RYR1: variants seen among roughly 807,000 people sequenced by gnomAD.
The protein encoded by RYR1 is central core disease of muscle.
A neutral mutation model predicts 583.5 loss-of-function variants in RYR1; 342 were observed. The observed-to-expected ratio is 0.59, with a 90% CI of 0.54 to 0.64. RYR1 has a LOEUF of 0.64. Ranked by LOEUF, RYR1 falls within the 30% of genes least tolerant of loss-of-function variation. RYR1 has a pLI of 0.00. For synonymous variants in RYR1, 2,791 were observed against 2,822.5 expected, an observed-to-expected ratio of 0.99 and a Z score of 0.35; for missense variants, 6,032 against 6,917.2, an observed-to-expected ratio of 0.87 and a Z score of 4.54.
rs1228275789 is a variant in RYR1 at position 38,514,911 on chromosome 19, CT to C, written c.9473-114del. ...ACAAGACTCGTACATGGAAGGCTGG[CT>C]GTACATCTGCTTGCTCTTCCCCACT... On this transcript the variant is annotated intron_variant, in intron 63 of 105. Coordinates refer to ENST00000359596, the MANE Select transcript of RYR1 (RefSeq NM_000540.3). 5.5e-6 allele frequency: 4 copies of C among 727,544 alleles called. No homozygotes were observed. The African/African-American group carries it at 6.9e-5, about 13-fold the overall frequency. 45.1% of individuals were successfully genotyped at this position (727,544 alleles called of 1,614,324 possible).
At chr19:38,571,425 G>A (rs1018011419) in intron 94 of RYR1, among the ~76,000 whole-genome samples, 9 of 152,124 alleles carry the variant, frequency 5.9e-5, no homozygotes, top group African/African-American at 9.7e-5. Context: ...CCTGAAGTCC[G>A]GAATTCAAGA....
chr19:38,451,986 C>A, intron 12 of RYR1, 101 bp downstream of exon 12: 1 of 1,531,350 alleles, frequency 6.5e-7, no homozygotes, highest in Non-Finnish European at 9.0e-7. Context: ...GTTGCCCACA[C>A]CCTTGTCTAA....
chr19:38,551,948 G>A (rs1196206030), intron 89 of RYR1, among the ~76,000 whole-genome samples: 1 of 151,952 alleles, frequency 6.6e-6, no homozygotes, highest in Non-Finnish European at 1.5e-5. Context: ...AAACATTTTT[G>A]TTTTGTTTTG....
At chr19:38,526,909 G>A (rs1971490518) in intron 71 of RYR1, 84 bp from the exon 72 acceptor site, 1 of 1,459,406 alleles carries the variant, frequency 6.9e-7, no homozygotes, top group East Asian at 2.3e-5. Flanking sequence ...AGTTCCTGGG[G>A]TGCTGGGCCT....
chr19:38,502,792 C>CAGGGGT, intron 48 of RYR1, 65 bp downstream of exon 48: 3 of 679,034 alleles, frequency 4.4e-6, no homozygotes, highest in Non-Finnish European at 6.0e-6. Context: ...GGGGCAGGGG[C>CAGGGGT]AGGGGCAGGG....
intron 84 of RYR1, 104 bp downstream of exon 84, chr19:38,538,064 T>C (rs982823245): frequency 2.3e-5 from 24 of 1,036,874 alleles, no homozygotes; most frequent in Non-Finnish European, 3.3e-5. Flanking sequence ...CGGTCAATGA[T>C]GGCCACTCTC....
rs145787667 is a variant in RYR1, at chr19:38,499,922, C to T, written c.7229C>T (p.Pro2410Leu). Residue 2410 changes from proline to leucine, a missense_variant, in exon 45 of 106, where the codon CCG (proline) becomes CTG (leucine). This residue lies in a region of RYR1 where 2,627 missense variants were observed against 2,961.3 expected (regional missense o/e 0.89). Transcript: ENST00000359596. This position sits in a 1 kb window ranked among gnomAD's most constrained non-coding sequence, Gnocchi z 7.3. ...CTTCCCTGCAGCTTTGGTGAGGAAC[C>T]GCCTGAAGAAAACCGGGTGCACCTG... ...DRRREHFGEE[P>L]PEENRVHLGH... The T allele has an allele frequency of 2.7e-5, 43 of 1,613,998 alleles. No individual in the cohort carries two copies. Among genetic ancestry groups the T allele is most frequent in the South Asian group, 1.2e-4 (11 of 91,086 alleles).
intron 3 of RYR1, among the ~76,000 whole-genome samples, chr19:38,443,350 G>A (rs929431151): frequency 1.3e-5 from 2 of 152,186 alleles, no homozygotes; most frequent in African/African-American, 4.8e-5. Flanking sequence ...CCATCCATAG[G>A]CATCTCAGAG....
chr19:38,483,710 C>T lies in RYR1; in HGVS notation c.4934+194C>T, dbSNP rs532676754. ...ATGTCCCAGGGGGATTCAGACTCAACGCAGGAGGCTCTACACCATCCCAGT... is the reference window on the plus strand; with the variant it reads ...ATGTCCCAGGGGGATTCAGACTCAATGCAGGAGGCTCTACACCATCCCAGT... On this transcript the variant is annotated intron_variant, in intron 33 of 105. Coordinates refer to ENST00000359596, the MANE Select transcript of RYR1 (RefSeq NM_000540.3). The surrounding 1 kb of genome is among the most constrained non-coding windows in gnomAD (Gnocchi z 6.3). Among the ~76,000 whole-genome samples the T allele has an allele frequency of 3.9e-5, 6 of 151,920 alleles. No homozygotes were observed. The highest frequency in any genetic ancestry group is 1.2e-4 in the African/African-American group (5 of 41,416).
intron 87 of RYR1, among the ~76,000 whole-genome samples, chr19:38,545,180 C>A (rs549999277): frequency 6.6e-6 from 1 of 152,126 alleles, no homozygotes; most frequent in Non-Finnish European, 1.5e-5. Context: ...TGACCAGGCC[C>A]GGTCATATAC....
chr19:38,510,411 A>C, intron 58 of RYR1, 87 bp from the exon 59 acceptor site: 1 of 1,358,100 alleles, frequency 7.4e-7, no homozygotes, highest in South Asian at 1.2e-5. Context: ...ATCATTTCCC[A>C]ACTCTGCTCC....
intron 34 of RYR1, among the ~76,000 whole-genome samples, chr19:38,487,746 G>A (rs59200109): frequency 0.22 from 32,825 of 152,060 alleles, 4,857 homozygotes; most frequent in African/African-American, 0.41. Flanking sequence ...CAATCCTTCT[G>A]CCTCAGCCTC....
chr19:38,494,590 C>T lies in RYR1; in HGVS notation c.6513C>T (p.Gly2171=), dbSNP rs2145578655. ...QIRSLLIVQM[G]PQEENLMIQS... ...GCTCGCTGCTCATCGTGCAGATGGG[C>T]CCCCAGGAGGAGAACCTCATGATCC... is the stretch of plus-strand genomic sequence containing the variant. Residue 2171 remains glycine (G), a synonymous_variant, in exon 39 of 106, where the codon GGC becomes GGT. Transcript: ENST00000359596. 6.2e-7 allele frequency: 1 copy of T among 1,614,080 alleles called. No homozygotes were observed. Among genetic ancestry groups the T allele is most frequent in the South Asian group, 1.1e-5 (1 of 91,090 alleles).
intron 1 of RYR1, among the ~76,000 whole-genome samples, chr19:38,437,658 T>C (rs996347194): frequency 2.6e-5 from 4 of 151,846 alleles, no homozygotes; most frequent in Non-Finnish European, 4.4e-5. Context: ...TTACAAAAAA[T>C]GTTAAACTTT....
Position 38,489,228 on chromosome 19 carries a change from G to T in RYR1, c.5599G>T (p.Glu1867Ter). The change falls in exon 35 of 106, where the codon GAG (glutamate) becomes TAG (stop). Residue 1867 changes from glutamate to a stop codon, truncating the protein, a stop_gained. Transcript: ENST00000359596. LOFTEE classifies it high-confidence loss of function. ...EDVKQILKMI[E>*]PEVFTEEEEE... ...TGTGAAACAGATCTTGAAGATGATT[G>T]AGCCTGAGGTCTTCACTGAGGAAGA... 1 of 1,613,992 alleles carries T rather than the reference G, an allele frequency of 6.2e-7. No individual in the cohort carries two copies. The highest frequency in any genetic ancestry group is 8.5e-7 in the Non-Finnish European group (1 of 1,179,960).
intron 78 of RYR1, 96 bp downstream of exon 78, chr19:38,532,832 T>C: frequency 1.5e-6 from 2 of 1,313,066 alleles, no homozygotes; most frequent in Admixed American, 3.7e-5. Flanking sequence ...AGCAAAGCTC[T>C]GGGGACACAG....
rs765268968 is a variant in RYR1, at chr19:38,466,085, C to T, written c.2871-6C>T. 23 of 1,605,668 alleles carry T rather than the reference C, an allele frequency of 1.4e-5. No individual in the cohort carries two copies. The highest frequency in any genetic ancestry group is 2.0e-5 in the Non-Finnish European group (23 of 1,176,688). On this transcript the variant is annotated splice_polypyrimidine_tract_variant and splice_region_variant and intron_variant, in intron 23 of 105. Coordinates refer to ENST00000359596, the MANE Select transcript of RYR1 (RefSeq NM_000540.3). Reference sequence around the variant, plus strand: ...CTTGTCCCATGGAGCCCTACCATGCCCGCAGGTATATGATGAGCAATGGGT... The same window carrying T: ...CTTGTCCCATGGAGCCCTACCATGCTCGCAGGTATATGATGAGCAATGGGT...
chr19:38,463,893 G>A, intron 22 of RYR1, 43 bp downstream of exon 22: 1 of 1,471,590 alleles, frequency 6.8e-7, no homozygotes, highest in East Asian at 2.3e-5. Flanking sequence ...GGCTGCTGGT[G>A]CGGTGGGGGA....
At chr19:38,532,938 G>A (rs944915116) in intron 78 of RYR1, among the ~76,000 whole-genome samples, 9 of 152,088 alleles carry the variant, frequency 5.9e-5, no homozygotes, top group Non-Finnish European at 1.0e-4. Context: ...CAGGCAGAGG[G>A]GTCAGGGCTG....
Sources: gnomAD v4.1 joint callset for allele counts (sites outside exome capture counted in the v4.1 genomes callset) on GRCh38, gnomAD v4.1.1 for gene constraint, gnomAD v4.1.1 regional missense constraint, Gnocchi (gnomAD v3.1) non-coding constraint, MANE v1.5 for transcripts, NCBI Gene and HGNC (gene_info 2026-07-23, HGNC 2026-07-21) for gene names.